The following ZNF487 variants were observed in gnomAD, a reference collection of about 807,000 sequenced individuals.
ZNF487 encodes the protein KRAB domain only 1.
A neutral mutation model predicts 3.0 loss-of-function variants in ZNF487; 4 were observed. The observed-to-expected ratio is 1.35, with a 90% CI of 0.66 to 3.08. The LOEUF (loss-of-function observed/expected upper bound fraction) is 3.08, where lower values mean the gene tolerates loss of function less well. Ranked by LOEUF, ZNF487 falls within the 30% of genes most tolerant of loss-of-function variation. The pLI is 0.01. For missense variants in ZNF487, 146 were observed against 98.7 expected (o/e 1.48, Z -2.03); for synonymous variants, 55 against 34.6 (o/e 1.59, Z -2.06).
chr10:43,459,768 T>TTTTTTA (rs1840353606), intron 1 of ZNF487, among the ~76,000 whole-genome samples: 2 of 138,336 alleles, frequency 1.4e-5, no homozygotes, highest in Admixed American at 1.5e-4. Flanking sequence ...AGGCTGTGAG[T>TTTTTTA]TTATTATTAT....
chr10:43,483,894 A>G (rs181165997), downstream of ZNF487, among the ~76,000 whole-genome samples: 926 of 151,158 alleles, frequency 6.1e-3, 9 homozygotes, highest in African/African-American at 0.018. Flanking sequence ...CTCTGTTGCC[A>G]AGGCTGGAGT....
intron 1 of ZNF487, among the ~76,000 whole-genome samples, chr10:43,474,235 G>T (rs969688088): frequency 1.3e-5 from 2 of 151,806 alleles, no homozygotes; most frequent in African/African-American, 4.8e-5. Flanking sequence ...GCTGAGGTGG[G>T]CCGAGGTCAG....
chr10:43,494,182 A>G, the ZNF487 span, among the ~76,000 whole-genome samples: 4 of 152,218 alleles, frequency 2.6e-5, no homozygotes, highest in African/African-American at 4.8e-5. Flanking sequence ...TGTGGTGACT[A>G]CTTGTCCCTG....
chr10:43,453,541 A>C (rs1840074859), intron 1 of ZNF487: 1 of 152,110 alleles, frequency 6.6e-6, no homozygotes, highest in African/African-American at 2.4e-5. Context: ...TTTCAGATGG[A>C]GTTATGGGGG....
At chr10:43,463,813 A>G (rs995152060) in intron 1 of ZNF487, among the ~76,000 whole-genome samples, 4 of 150,734 alleles carry the variant, frequency 2.7e-5, no homozygotes, top group African/African-American at 4.9e-5. Context: ...TATTATGGCA[A>G]TCTGTGATCT....
intron 1 of ZNF487, among the ~76,000 whole-genome samples, chr10:43,473,148 C>T (rs569247185): frequency 1.3e-4 from 20 of 150,818 alleles, no homozygotes; most frequent in Admixed American, 1.2e-3. Flanking sequence ...CTCTTGTGCC[C>T]CCAGACTGGA....
chr10:43,451,703 T>C (rs1840017351), intron 1 of ZNF487, among the ~76,000 whole-genome samples: 2 of 151,374 alleles, frequency 1.3e-5, no homozygotes, highest in Admixed American at 6.6e-5. Flanking sequence ...GTAGCTGGGA[T>C]TACAGGCATG....
At chr10:43,519,751 C>G in the ZNF487 span, among the ~76,000 whole-genome samples, 1 of 152,196 alleles carries the variant, frequency 6.6e-6, no homozygotes, top group Non-Finnish European at 1.5e-5. Flanking sequence ...CAGCGTGAGC[C>G]ACTGTGCCTG....
At chr10:43,515,971 G>A in the ZNF487 span, among the ~76,000 whole-genome samples, 8 of 151,898 alleles carry the variant, frequency 5.3e-5, no homozygotes, top group Non-Finnish European at 1.2e-4. Flanking sequence ...TTTAGTAGAC[G>A]GGATTTCACC....
chr10:43,464,494 G>T (rs1294982306), intron 1 of ZNF487, among the ~76,000 whole-genome samples: 1 of 152,112 alleles, frequency 6.6e-6, no homozygotes, highest in Non-Finnish European at 1.5e-5. Context: ...AAGGTCTCTG[G>T]TTTTCCTAGG....
At chr10:43,473,252 A>AT (rs1038272205) in intron 1 of ZNF487, among the ~76,000 whole-genome samples, 3 of 146,842 alleles carry the variant, frequency 2.0e-5, no homozygotes, top group East Asian at 2.2e-4. Flanking sequence ...TGCCTGTCTA[A>AT]TTTTTTTGTA....
chr10:43,497,375 G>A, the ZNF487 span, among the ~76,000 whole-genome samples: 1 of 152,168 alleles, frequency 6.6e-6, no homozygotes, highest in Admixed American at 6.5e-5. Context: ...GAGAATGTGA[G>A]CCGTGTAGTT....
intron 3 of ZNF487, among the ~76,000 whole-genome samples, chr10:43,479,127 A>G (rs12354656): frequency 1.8e-4 from 2 of 10,858 alleles, no homozygotes; most frequent in Non-Finnish European, 1.1e-3. Context: ...ATATGTGTGT[A>G]TATATATATA....
intron 1 of ZNF487, chr10:43,452,871 C>T (rs544833874): frequency 1.3e-5 from 2 of 152,194 alleles, no homozygotes; most frequent in Non-Finnish European, 2.9e-5. Flanking sequence ...TAACCACTGA[C>T]AGTAGGGGAA....
the ZNF487 span, among the ~76,000 whole-genome samples, chr10:43,489,725 G>A: frequency 6.6e-6 from 1 of 152,158 alleles, no homozygotes; most frequent in Non-Finnish European, 1.5e-5. Context: ...GGGAATACTT[G>A]TAATGTCAAA....
chr10:43,507,640 A>G, the ZNF487 span, among the ~76,000 whole-genome samples: 3 of 152,238 alleles, frequency 2.0e-5, no homozygotes, highest in African/African-American at 7.2e-5. Context: ...GGCTTTGCTT[A>G]GTATGGCTGC....
At chr10:43,464,662 C>A (rs1317536238) in intron 1 of ZNF487, among the ~76,000 whole-genome samples, 1 of 152,208 alleles carries the variant, frequency 6.6e-6, no homozygotes, top group Non-Finnish European at 1.5e-5. Context: ...TGACACAGCA[C>A]ATGTTTCAGA....
Position 43,474,973 on chromosome 10 carries a change from A to G in ZNF487, c.-93-748A>G, listed in dbSNP as rs140241131. 6.6e-4 allele frequency among the ~76,000 whole-genome samples: 100 copies of G among 152,198 alleles called. No homozygotes were observed. The East Asian group carries it at 0.018, about 28-fold the overall frequency. Reference sequence around the variant, plus strand: ...ATTGAATACCAGGCCACCACACAGTATCTTAAGAGGCCAGGCTCCTCCCCC... The same window carrying G: ...ATTGAATACCAGGCCACCACACAGTGTCTTAAGAGGCCAGGCTCCTCCCCC... On this transcript the variant is annotated intron_variant, in intron 1 of 3. Coordinates refer to ENST00000437590, the MANE Select transcript of ZNF487 (RefSeq NM_001355444.3).
chr10:43,471,811 T>C (rs1042757127), intron 1 of ZNF487, among the ~76,000 whole-genome samples: 1 of 152,160 alleles, frequency 6.6e-6, no homozygotes, highest in African/African-American at 2.4e-5. Context: ...TGTGTGCTCA[T>C]TGGTTTGTGA....
Sources: gnomAD v4.1 joint callset for allele counts (sites outside exome capture counted in the v4.1 genomes callset) on GRCh38, gnomAD v4.1.1 for gene constraint, MANE v1.5 for transcripts, NCBI Gene and HGNC (gene_info 2026-07-23, HGNC 2026-07-21) for gene names.